FRMD4A: variants seen among roughly 807,000 people sequenced by gnomAD.
The protein encoded by FRMD4A is FERM domain-containing protein 4A.
Under a neutral mutation model 129.1 loss-of-function variants are expected in FRMD4A, and 29 were observed. The ratio of observed to expected loss-of-function variants is 0.22; its 90% CI spans 0.17 to 0.31. FRMD4A has a LOEUF of 0.31. Among genes scored for constraint, FRMD4A ranks in the 10% least tolerant of loss-of-function variants. The pLI, the probability that FRMD4A is intolerant of heterozygous loss-of-function variation, is 1.00. For missense variants in FRMD4A, 1,272 were observed against 1,375.8 expected, an observed-to-expected ratio of 0.92 and a Z score of 1.19; for synonymous variants, 634 against 571.6, an observed-to-expected ratio of 1.11 and a Z score of -1.56.
intron 13 of FRMD4A, 86 bp downstream of exon 13, chr10:13,706,951 G>T: frequency 1.3e-6 from 1 of 754,666 alleles, no homozygotes; most frequent in Non-Finnish European, 2.4e-6. Context: ...AACTGACCAT[G>T]AACAACGACA....
At chr10:13,717,687 T>C (rs1564680715) in intron 12 of FRMD4A, among the ~76,000 whole-genome samples, 1 of 108,784 alleles carries the variant, frequency 9.2e-6, no homozygotes, top group African/African-American at 3.3e-5. Flanking sequence ...AAACCTGTTG[T>C]TCTTGTTTTT....
intron 2 of FRMD4A, among the ~76,000 whole-genome samples, chr10:14,019,596 A>G (rs373681772): frequency 3.3e-5 from 5 of 152,356 alleles, no homozygotes; most frequent in East Asian, 1.9e-4. Context: ...TAAGCCTTCT[A>G]GTACTCTTCA....
chr10:14,182,849 G>T (rs1841957616), intron 2 of FRMD4A, among the ~76,000 whole-genome samples: 1 of 152,210 alleles, frequency 6.6e-6, no homozygotes, highest in Admixed American at 6.5e-5. Flanking sequence ...GAACTAGCAG[G>T]AGGGTTGAAC....
At chr10:13,871,575 T>A (rs1479862656) in intron 2 of FRMD4A, among the ~76,000 whole-genome samples, 1 of 152,162 alleles carries the variant, frequency 6.6e-6, no homozygotes. Flanking sequence ...CCACCTCACC[T>A]TCCCCTTCCC....
At chr10:13,787,511 G>C (rs1461416144) in intron 5 of FRMD4A, among the ~76,000 whole-genome samples, 1 of 152,064 alleles carries the variant, frequency 6.6e-6, no homozygotes, top group African/African-American at 2.4e-5. Flanking sequence ...ACTCAGGCTG[G>C]AGTGCAGTGT....
chr10:13,971,863 T>C, intron 2 of FRMD4A: 2 of 1,297,416 alleles, frequency 1.5e-6, no homozygotes, highest in Non-Finnish European at 2.0e-6. Context: ...CTGTGTTCTT[T>C]TAGTGACACA....
chr10:13,892,532 G>A (rs910448758), intron 2 of FRMD4A, among the ~76,000 whole-genome samples: 1 of 151,900 alleles, frequency 6.6e-6, no homozygotes, highest in African/African-American at 2.4e-5. Flanking sequence ...CAATTCACAG[G>A]GTATGTCTAA....
intron 2 of FRMD4A, among the ~76,000 whole-genome samples, chr10:13,917,821 G>C (rs2095027396): frequency 6.6e-6 from 1 of 152,168 alleles, no homozygotes; most frequent in Non-Finnish European, 1.5e-5. Context: ...TTGGGCACTG[G>C]CACTCACAAG....
chr10:13,741,577 G>A (rs7896064), intron 9 of FRMD4A, among the ~76,000 whole-genome samples: 95,479 of 152,028 alleles, frequency 0.63, 31,047 homozygotes, highest in East Asian at 0.95. Context: ...CCCGGGCTGA[G>A]CTCCCTGGGG....
intron 16 of FRMD4A, among the ~76,000 whole-genome samples, chr10:13,674,648 C>A (rs1305849714): frequency 6.6e-6 from 1 of 152,200 alleles, no homozygotes; most frequent in Non-Finnish European, 1.5e-5. Flanking sequence ...GCCAGGTCAA[C>A]TGCTTTCTTA....
intron 2 of FRMD4A, among the ~76,000 whole-genome samples, chr10:14,199,276 G>A (rs1259471973): frequency 1.9e-5 from 2 of 106,332 alleles, no homozygotes; most frequent in African/African-American, 3.2e-5. Context: ...ATTTTTAAGT[G>A]TCTTATTTTA....
At chr10:13,828,083 ACATTTCCATCTTTTTTTCTAAAT>A (rs1333206667) in intron 3 of FRMD4A, among the ~76,000 whole-genome samples, 2 of 152,152 alleles carry the variant, frequency 1.3e-5, no homozygotes, top group African/African-American at 4.8e-5. Flanking sequence ...CTGTCCTACC[ACATTTCCATCTTTTTTTCTAAAT>A]CCATGCCTTT....
rs2092256631 is a variant in FRMD4A, at chr10:13,765,504, T to C, written c.385-2824A>G. The stretch of plus-strand genomic sequence containing the variant: ...ATGCATTCAAGCACACCTGGATCTT[T>C]TGAAGGAGAGATATCTTTCAGGCTC... On this transcript the variant is annotated intron_variant, in intron 6 of 24. Coordinates refer to ENST00000357447, the MANE Select transcript of FRMD4A (RefSeq NM_018027.5). Among the ~76,000 whole-genome samples the C allele has an allele frequency of 4.6e-5, 7 of 152,296 alleles. No individual in the cohort carries two copies. In the South Asian group the frequency reaches 1.5e-3, roughly 32 times the overall value.
At chr10:13,697,946 G>A (rs971934120) in intron 14 of FRMD4A, among the ~76,000 whole-genome samples, 2 of 152,178 alleles carry the variant, frequency 1.3e-5, no homozygotes, top group African/African-American at 4.8e-5. Flanking sequence ...TCTGGGGTCA[G>A]CATAGAAGTT....
chr10:14,072,273 G>A (rs1836734606), intron 2 of FRMD4A, among the ~76,000 whole-genome samples: 1 of 152,112 alleles, frequency 6.6e-6, no homozygotes, highest in Non-Finnish European at 1.5e-5. Flanking sequence ...CACAAATGGG[G>A]CCTTGAGAAG....
chr10:14,059,690 C>T (rs142349804), intron 2 of FRMD4A, among the ~76,000 whole-genome samples: 127 of 152,338 alleles, frequency 8.3e-4, no homozygotes, highest in African/African-American at 3.0e-3. Context: ...CAGACTAACA[C>T]ACCATTCCTC....
chr10:14,194,536 G>A (rs1035256857), intron 2 of FRMD4A, among the ~76,000 whole-genome samples: 23 of 152,228 alleles, frequency 1.5e-4, no homozygotes, highest in East Asian at 1.9e-4. Flanking sequence ...GCGGGAACCC[G>A]GGAGGCGGAG....
chr10:14,316,261 T>C (rs554911859), intron 2 of FRMD4A, among the ~76,000 whole-genome samples: 1 of 150,868 alleles, frequency 6.6e-6, no homozygotes, highest in Admixed American at 6.6e-5. Flanking sequence ...AGAGGTAGAG[T>C]TTTCAAGAGA....
intron 2 of FRMD4A, among the ~76,000 whole-genome samples, chr10:14,128,031 C>CCTTT (rs1838997844): frequency 7.5e-6 from 1 of 132,534 alleles, no homozygotes; most frequent in Admixed American, 8.0e-5. Flanking sequence ...TTCCTTCCTT[C>CCTTT]CTTCCTTTCT....
Sources: gnomAD v4.1 joint callset for allele counts (sites outside exome capture counted in the v4.1 genomes callset) on GRCh38, gnomAD v4.1.1 for gene constraint, MANE v1.5 for transcripts, NCBI Gene and HGNC (gene_info 2026-07-23, HGNC 2026-07-21) for gene names.